The following RAB38 variants were observed in gnomAD, a reference collection of about 807,000 sequenced individuals.
RAB38 encodes ras-related protein Rab-38.
In RAB38, 15 loss-of-function variants were observed where a neutral mutation model predicts 18.4. The ratio of observed to expected loss-of-function variants is 0.82; its 90% CI spans 0.55 to 1.26. RAB38 has a LOEUF of 1.26. Ranked by LOEUF, RAB38 falls within the 50% of genes most tolerant of loss-of-function variation. The pLI, the probability that RAB38 is intolerant of heterozygous loss-of-function variation, is 0.00. For synonymous variants in RAB38, 101 were observed against 104.4 expected (o/e 0.97, Z 0.20); for missense variants, 294 against 267.4 (o/e 1.10, Z -0.69).
chr11:88,004,429 T>A, the RAB38 span, among the ~76,000 whole-genome samples: 1 of 151,216 alleles, frequency 6.6e-6, no homozygotes, highest in East Asian at 1.9e-4. Flanking sequence ...TCAGTACCAA[T>A]TCTATCAAAA....
chr11:88,064,670 A>G, the RAB38 span, among the ~76,000 whole-genome samples: 1 of 152,244 alleles, frequency 6.6e-6, no homozygotes, highest in Non-Finnish European at 1.5e-5. Context: ...AAAAGCATAC[A>G]TCTCCAAACA....
At chr11:88,107,334 A>AT in the RAB38 span, among the ~76,000 whole-genome samples, 1 of 152,060 alleles carries the variant, frequency 6.6e-6, no homozygotes, top group Non-Finnish European at 1.5e-5. Context: ...ATTTCTATTG[A>AT]TTTACCCTAG....
At chr11:87,951,467 G>T in the RAB38 span, among the ~76,000 whole-genome samples, 1 of 151,774 alleles carries the variant, frequency 6.6e-6, no homozygotes, top group Admixed American at 6.6e-5. Flanking sequence ...GAGGAGAGGC[G>T]CTCTGCTTTT....
At chr11:87,945,322 G>T in the RAB38 span, among the ~76,000 whole-genome samples, 1 of 152,110 alleles carries the variant, frequency 6.6e-6, no homozygotes, top group Non-Finnish European at 1.5e-5. Context: ...GTGGACAGAG[G>T]CTGACTACAG....
At chr11:87,854,188 G>A in the RAB38 span, among the ~76,000 whole-genome samples, 46 of 152,274 alleles carry the variant, frequency 3.0e-4, no homozygotes, top group Non-Finnish European at 7.4e-5. Flanking sequence ...GGTTCTATGA[G>A]TAGGGCATGG....
At chr11:88,146,323 A>T (rs934797617) in intron 2 of RAB38, among the ~76,000 whole-genome samples, 1 of 152,226 alleles carries the variant, frequency 6.6e-6, no homozygotes, top group Non-Finnish European at 1.5e-5. Context: ...TTTCTGCTGG[A>T]TGTGCCCATG....
the RAB38 span, among the ~76,000 whole-genome samples, chr11:87,917,685 T>C: frequency 2.6e-5 from 4 of 152,064 alleles, no homozygotes; most frequent in Non-Finnish European, 5.9e-5. Flanking sequence ...GCTTGCCATG[T>C]GGCTGCTGTG....
chr11:88,007,313 T>A, the RAB38 span, among the ~76,000 whole-genome samples: 1 of 151,032 alleles, frequency 6.6e-6, no homozygotes, highest in South Asian at 2.1e-4. Context: ...TTTAAAACTT[T>A]CATGAAAAAC....
chr11:87,814,430 C>T, the RAB38 span, among the ~76,000 whole-genome samples: 1 of 152,096 alleles, frequency 6.6e-6, no homozygotes, highest in Admixed American at 6.5e-5. Flanking sequence ...TTTTAATGCA[C>T]TTTTATATGT....
At chr11:87,850,683 G>T in the RAB38 span, among the ~76,000 whole-genome samples, 1 of 149,906 alleles carries the variant, frequency 6.7e-6, no homozygotes, top group Non-Finnish European at 1.5e-5. Flanking sequence ...TGAAGAATTA[G>T]CTTTTGGGGG....
At chr11:87,805,015 A>G in the RAB38 span, among the ~76,000 whole-genome samples, 9 of 152,140 alleles carry the variant, frequency 5.9e-5, no homozygotes, top group African/African-American at 1.4e-4. Context: ...TGCTTCTTCA[A>G]TGAATTTTAA....
At chr11:88,018,811 T>A in the RAB38 span, among the ~76,000 whole-genome samples, 3 of 152,210 alleles carry the variant, frequency 2.0e-5, no homozygotes, top group African/African-American at 7.2e-5. Flanking sequence ...AATTTGTATT[T>A]TTAAATTGTT....
the RAB38 span, among the ~76,000 whole-genome samples, chr11:88,024,916 ATAGT>A: frequency 0.44 from 66,156 of 151,360 alleles, 16,321 homozygotes; most frequent in Non-Finnish European, 0.56. Flanking sequence ...CACAAAAAAA[ATAGT>A]TAGAAAGAAT....
the RAB38 span, among the ~76,000 whole-genome samples, chr11:88,106,460 T>C: frequency 6.6e-6 from 1 of 152,186 alleles, no homozygotes; most frequent in Non-Finnish European, 1.5e-5. Flanking sequence ...AAACACACTT[T>C]CATAAAGTTT....
the RAB38 span, among the ~76,000 whole-genome samples, chr11:87,912,384 G>A: frequency 4.6e-5 from 7 of 151,990 alleles, no homozygotes; most frequent in African/African-American, 1.7e-4. Flanking sequence ...AATTGATATA[G>A]GGCTATTCAG....
intron 2 of RAB38, among the ~76,000 whole-genome samples, chr11:88,149,200 C>T (rs772888481): frequency 4.6e-5 from 7 of 152,186 alleles, no homozygotes; most frequent in South Asian, 2.1e-4. Flanking sequence ...CCCACTATTC[C>T]GGTATGCCCA....
the RAB38 span, among the ~76,000 whole-genome samples, chr11:87,968,194 CTTATG>C: frequency 0.061 from 9,344 of 152,132 alleles, 309 homozygotes; most frequent in East Asian, 0.13. Flanking sequence ...TTTCATTTTA[CTTATG>C]TTATAAATTT....
chr11:88,165,710 T>A (rs1279259231), intron 1 of RAB38: 1 of 152,104 alleles, frequency 6.6e-6, no homozygotes, highest in Admixed American at 6.6e-5. Context: ...CTATTAACTA[T>A]CCTTTTATTA....
At chr11:88,050,063 T>C in the RAB38 span, 1 of 152,336 alleles carries the variant, frequency 6.6e-6, no homozygotes, top group South Asian at 2.1e-4. Context: ...CTGAGCTACA[T>C]TCTTCAAATA....
Sources: gnomAD v4.1 joint callset for allele counts (sites outside exome capture counted in the v4.1 genomes callset) on GRCh38, gnomAD v4.1.1 for gene constraint, MANE v1.5 for transcripts, NCBI Gene and HGNC (gene_info 2026-07-23, HGNC 2026-07-21) for gene names.